Variants in MLLT3 observed in about 807,000 individuals in gnomAD.
MLLT3 encodes MLLT3 super elongation complex subunit.
A neutral mutation model predicts 53.2 loss-of-function variants in MLLT3; 4 were observed. That is an observed-to-expected ratio of 0.08 (90% CI 0.04 to 0.17). The LOEUF is 0.17. MLLT3 is among the 10% of genes least tolerant of loss of function. MLLT3 has a pLI of 1.00. For synonymous variants in MLLT3, 283 were observed against 230.6 expected, an observed-to-expected ratio of 1.23 and a Z score of -2.06; for missense variants, 569 against 684.0, an observed-to-expected ratio of 0.83 and a Z score of 1.87.
intron 10 of MLLT3, among the ~76,000 whole-genome samples, chr9:20,346,869 G>C (rs1820884068): frequency 6.6e-6 from 1 of 151,994 alleles, no homozygotes; most frequent in Non-Finnish European, 1.5e-5. Flanking sequence ...CAGTTAGGGG[G>C]AGATAGCATT....
chr9:20,523,816 C>A (rs1818128024), intron 2 of MLLT3, among the ~76,000 whole-genome samples: 1 of 151,884 alleles, frequency 6.6e-6, no homozygotes, highest in Non-Finnish European at 1.5e-5. Context: ...AAAAAAAATA[C>A]AAAAATTTGC....
chr9:20,620,897 G>T lies in MLLT3; in HGVS notation c.13-63C>A, dbSNP rs760593350. ...GGAAGGCGAGGTTTCGGCAGTGAAC[G>T]TTGCGCCTGACATTTTTTTCCTCCT... On this transcript the variant is annotated intron_variant, in intron 1 of 10. Transcript: ENST00000380338. This position sits in a 1 kb window ranked among gnomAD's most constrained non-coding sequence, Gnocchi z 6.1. 2 of 1,557,178 alleles carry T rather than the reference G, an allele frequency of 1.3e-6. No individual in the cohort carries two copies. Among genetic ancestry groups the T allele is most frequent in the South Asian group, 1.1e-5 (1 of 89,936 alleles).
intron 2 of MLLT3, among the ~76,000 whole-genome samples, chr9:20,490,613 A>T (rs1393627155): frequency 1.3e-5 from 2 of 152,248 alleles, no homozygotes; most frequent in Non-Finnish European, 2.9e-5. Context: ...AGCCTCAGGA[A>T]ACCCACAGCA....
At chr9:20,418,510 G>A (rs1274924634) in intron 4 of MLLT3, 3 of 152,206 alleles carry the variant, frequency 2.0e-5, no homozygotes, top group Non-Finnish European at 4.4e-5. Context: ...TTAGCTCTGG[G>A]GGCAGCAGGC....
At chr9:20,601,251 G>T (rs184265475) in intron 2 of MLLT3, among the ~76,000 whole-genome samples, 65 of 152,240 alleles carry the variant, frequency 4.3e-4, no homozygotes, top group Admixed American at 7.8e-4. Flanking sequence ...TAATTAAGGC[G>T]TTTTGTATTC....
At chr9:20,384,039 C>A (rs566609071) in intron 5 of MLLT3, among the ~76,000 whole-genome samples, 1 of 152,008 alleles carries the variant, frequency 6.6e-6, no homozygotes, top group Non-Finnish European at 1.5e-5. Context: ...TTTCCTTTTG[C>A]AGAAAAAGTG....
In MLLT3 at chr9:20,346,393, A is replaced by AG; in HGVS notation, c.*49_*50insC. On this transcript the variant is annotated 3_prime_UTR_variant, in exon 11 of 11. Transcript: ENST00000380338. ...AAAATCACAACCAAAAAAAAAAAAA[A>AG]CCAAAAAAAAAAAACACAATAGTTC... 1 of 1,333,826 alleles carries AG rather than the reference A, an allele frequency of 7.5e-7. No individual in the cohort carries two copies. The highest frequency in any genetic ancestry group is 1.0e-6 in the Non-Finnish European group (1 of 1,004,294). 82.6% of individuals were successfully genotyped at this position (1,333,826 alleles called of 1,614,324 possible).
chr9:20,493,723 A>G (rs915884264), intron 2 of MLLT3, among the ~76,000 whole-genome samples: 3 of 152,130 alleles, frequency 2.0e-5, no homozygotes, highest in African/African-American at 7.2e-5. Context: ...GAAATACCTT[A>G]TGTTAAAGAA....
rs1310262354 is a variant in MLLT3, at chr9:20,620,857, C to G, written c.13-23G>C. 1.9e-6 allele frequency: 3 copies of G among 1,613,762 alleles called. No homozygotes were observed. Among genetic ancestry groups the G allele is most frequent in the African/African-American group, 1.3e-5 (1 of 75,066 alleles). On this transcript the variant is annotated intron_variant, in intron 1 of 10. Transcript: ENST00000380338. The surrounding 1 kb of genome is among the most constrained non-coding windows in gnomAD (Gnocchi z 6.1). ...ACACTGCGGGCAGGGGGAGGAGAGA[C>G]AGCCGTGAATAACAGGAAGGCGAGG...
At chr9:20,561,334 ACTCAAACT>A (rs1257707085) in intron 2 of MLLT3, among the ~76,000 whole-genome samples, 48 of 152,256 alleles carry the variant, frequency 3.2e-4, no homozygotes, top group African/African-American at 1.1e-3. Flanking sequence ...CAATCAAGAT[ACTCAAACT>A]CTTCATTCTG....
chr9:20,501,701 A>G (rs1825233801), intron 2 of MLLT3, among the ~76,000 whole-genome samples: 1 of 138,142 alleles, frequency 7.2e-6, no homozygotes, highest in South Asian at 2.6e-4. Context: ...CCGTGAGCCG[A>G]GATTGCGCCA....
chr9:20,343,509 C>T lies in MLLT3; in HGVS notation c.*2934G>A, dbSNP rs553690777. Reference sequence around the variant, plus strand: ...TTGTTGCTAACATGACTGTTACATCCGAAGACAGAAGGAACCCCAAACCCA... The same window carrying T: ...TTGTTGCTAACATGACTGTTACATCTGAAGACAGAAGGAACCCCAAACCCA... On this transcript the variant is annotated 3_prime_UTR_variant, in exon 11 of 11. Transcript: ENST00000380338. The T allele has an allele frequency of 5.7e-5, 13 of 227,812 alleles. No homozygotes were observed. The highest frequency in any genetic ancestry group is 3.1e-4 in the East Asian group (5 of 15,960). The allele number at this position is 227,812 out of a possible 1,614,324, so 14.1% of individuals were successfully genotyped here. A position where few individuals can be genotyped will look rare whatever the true frequency, so the allele number is the denominator to read the frequency against.
intron 5 of MLLT3, among the ~76,000 whole-genome samples, chr9:20,382,777 T>A (rs140809819): frequency 6.6e-4 from 101 of 152,114 alleles, no homozygotes; most frequent in African/African-American, 2.3e-3. Context: ...CCAGAATGTT[T>A]TTGTAAAGTC....
chr9:20,590,611 G>C (rs1480473653), intron 2 of MLLT3, among the ~76,000 whole-genome samples: 1 of 152,208 alleles, frequency 6.6e-6, no homozygotes, highest in African/African-American at 2.4e-5. Flanking sequence ...TGCCATGATT[G>C]TAAGTTTCCT....
intron 2 of MLLT3, among the ~76,000 whole-genome samples, chr9:20,562,880 G>A (rs1318962060): frequency 2.6e-5 from 4 of 152,126 alleles, no homozygotes; most frequent in Non-Finnish European, 5.9e-5. Context: ...ACTAATCAGA[G>A]TTGTGAAATC....
At chr9:20,581,574 G>A (rs1390694568) in intron 2 of MLLT3, among the ~76,000 whole-genome samples, 1 of 151,856 alleles carries the variant, frequency 6.6e-6, no homozygotes, top group Admixed American at 6.6e-5. Context: ...TTAACTCTTG[G>A]GATGGTTGAC....
chr9:20,512,477 C>T (rs1343987610), intron 2 of MLLT3, among the ~76,000 whole-genome samples: 1 of 152,172 alleles, frequency 6.6e-6, no homozygotes, highest in Non-Finnish European at 1.5e-5. Context: ...GAATCAGAAA[C>T]TTTGGGGGAA....
chr9:20,569,496 A>T (rs1170237194), intron 2 of MLLT3, among the ~76,000 whole-genome samples: 1 of 152,158 alleles, frequency 6.6e-6, no homozygotes, highest in Non-Finnish European at 1.5e-5. Flanking sequence ...AACAGTCACC[A>T]AGATGTCCCA....
intron 4 of MLLT3, among the ~76,000 whole-genome samples, chr9:20,428,706 A>C (rs1823194584): frequency 6.6e-6 from 1 of 152,118 alleles, no homozygotes; most frequent in Non-Finnish European, 1.5e-5. Flanking sequence ...TAAGGAAAGA[A>C]CTTTGAAAAG....
Sources: gnomAD v4.1 joint callset for allele counts (sites outside exome capture counted in the v4.1 genomes callset) on GRCh38, gnomAD v4.1.1 for gene constraint, Gnocchi (gnomAD v3.1) non-coding constraint, MANE v1.5 for transcripts, NCBI Gene and HGNC (gene_info 2026-07-23, HGNC 2026-07-21) for gene names.